BAG2: variants seen among roughly 807,000 people sequenced by gnomAD.
The protein encoded by BAG2 is BAG cochaperone 2.
A neutral mutation model predicts 16.4 loss-of-function variants in BAG2; 8 were observed. The observed-to-expected ratio is 0.49, with a 90% CI of 0.29 to 0.88. The LOEUF (loss-of-function observed/expected upper bound fraction) is 0.88, where lower values mean the gene tolerates loss of function less well. BAG2 is among the 40% of genes least tolerant of loss of function. BAG2 has a pLI of 0.09. For missense variants in BAG2, 218 were observed against 248.9 expected, an observed-to-expected ratio of 0.88 and a Z score of 0.84; for synonymous variants, 82 against 89.2, an observed-to-expected ratio of 0.92 and a Z score of 0.46.
intron 1 of BAG2, among the ~76,000 whole-genome samples, chr6:57,177,586 A>G (rs1040947072): frequency 6.6e-6 from 1 of 152,152 alleles, no homozygotes; most frequent in African/African-American, 2.4e-5. Flanking sequence ...GCCAGTGCCA[A>G]TTCTAGACAC....
intron 1 of BAG2, among the ~76,000 whole-genome samples, chr6:57,179,758 T>G (rs558934222): frequency 5.8e-4 from 88 of 152,180 alleles, no homozygotes; most frequent in African/African-American, 2.0e-3. Context: ...CAGCTTAGTT[T>G]TTTAGTGACT....
chr6:57,188,809 C>CCAT lies in BAG2; in HGVS notation c.*4621_*4623dup, dbSNP rs1366995146. 1 of 151,720 alleles carries CCAT rather than the reference C, an allele frequency of 6.6e-6. No homozygotes were observed. The highest frequency in any genetic ancestry group is 1.5e-5 in the Non-Finnish European group (1 of 67,908). 9.4% of individuals were successfully genotyped at this position (151,720 alleles called of 1,614,324 possible). ...TTACTTTTTAATTTTTTTTATTTTT[C>CCAT]CATCTAAAATGGCAAAGAGAACATT... On this transcript the variant is annotated 3_prime_UTR_variant, in exon 3 of 3. Transcript: ENST00000370693.
chr6:57,181,809 T>C (rs1764457593), intron 1 of BAG2, among the ~76,000 whole-genome samples: 1 of 152,118 alleles, frequency 6.6e-6, no homozygotes, highest in African/African-American at 2.4e-5. Context: ...AAACAAATAG[T>C]ATTAATTAGA....
intron 1 of BAG2, among the ~76,000 whole-genome samples, chr6:57,180,166 A>G (rs1331711271): frequency 6.6e-6 from 1 of 152,208 alleles, no homozygotes; most frequent in African/African-American, 2.4e-5. Context: ...ACAAATTCAC[A>G]ATAGCAGCAA....
chr6:57,172,854 G>T, intron 1 of BAG2, 44 bp downstream of exon 1: 2 of 1,408,644 alleles, frequency 1.4e-6, no homozygotes, highest in African/African-American at 1.5e-5. Context: ...CTCGCCGCGC[G>T]GGCGGTTCGC....
chr6:57,182,405 A>T (rs1050226427), intron 2 of BAG2, among the ~76,000 whole-genome samples: 2 of 152,032 alleles, frequency 1.3e-5, no homozygotes, highest in Admixed American at 1.3e-4. Context: ...GGCCCCAAGC[A>T]GTAAGGCCAT....
Position 57,172,781 on chromosome 6 carries a change from G to C in BAG2, c.84G>C (p.Leu28=). 6.4e-7 allele frequency: 1 copy of C among 1,571,510 alleles called. No individual in the cohort carries two copies. Among genetic ancestry groups the C allele is most frequent in the South Asian group, 1.2e-5 (1 of 85,226 alleles). Residue 28 remains leucine, a synonymous_variant, in exon 1 of 3, where the codon CTG becomes CTC. Coordinates refer to ENST00000370693, the MANE Select transcript of BAG2 (RefSeq NM_004282.4). The part of the protein sequence containing the change: ...SSSMADRSSR[L]LESLDQLELR... ...CCATGGCTGACCGCTCCAGCCGCCT[G>C]CTGGAGAGCCTGGACCAGCTGGAGC...
Position 57,172,660 on chromosome 6 carries a change from G to T in BAG2, c.-38G>T. On this transcript the variant is annotated 5_prime_UTR_variant, in exon 1 of 3. Coordinates refer to ENST00000370693, the MANE Select transcript of BAG2 (RefSeq NM_004282.4). ...CGCTCCACTCGCTGCCGCCGGAGGG[G>T]CCGGTGACCTCTTGGCTACCCCGCG... 6.9e-7 allele frequency: 1 copy of T among 1,448,408 alleles called. No individual in the cohort carries two copies. Among genetic ancestry groups the T allele is most frequent in the Non-Finnish European group, 9.2e-7 (1 of 1,086,758 alleles). The allele number at this position is 1,448,408 out of a possible 1,614,324, so 89.7% of individuals were successfully genotyped here.
Position 57,172,828 on chromosome 6 carries a change from G to A in BAG2, c.113+18G>A. 6.8e-7 allele frequency: 1 copy of A among 1,480,330 alleles called. No homozygotes were observed. Among genetic ancestry groups the A allele is most frequent in the Non-Finnish European group, 9.0e-7 (1 of 1,113,154 alleles). 91.7% of individuals were successfully genotyped at this position (1,480,330 alleles called of 1,614,324 possible). ...GAGCTCAGGTGAGCTCCGGGCGGGC[G>A]GTCTCGGGCGTTCTGCTCGCCGCGC... On this transcript the variant is annotated intron_variant, in intron 1 of 2. Coordinates refer to ENST00000370693, the MANE Select transcript of BAG2 (RefSeq NM_004282.4).
Position 57,184,108 on chromosome 6 carries a change from A to G in BAG2, c.554A>G (p.Asp185Gly). 1 of 1,605,016 alleles carries G rather than the reference A, an allele frequency of 6.2e-7. No homozygotes were observed. The highest frequency in any genetic ancestry group is 1.3e-5 in the African/African-American group (1 of 74,228). The change falls in exon 3 of 3, where the codon GAC becomes GGC. Residue 185 changes from aspartate to glycine, a missense_variant. Asp to Gly is a moderately conservative substitution (Grantham distance 94, BLOSUM62 -1). Around this residue, in one of 3 missense-constraint regions of BAG2, gnomAD observed 113 missense variants for 128.0 expected, o/e 0.88. Coordinates refer to ENST00000370693, the MANE Select transcript of BAG2 (RefSeq NM_004282.4). The part of the protein sequence containing the change: ...ETLLRNIENS[D>G]KAIKLLEHSK... ...CTGCTTAGAAATATTGAAAACTCTGACAAGGCCATCAAGCTATTAGAGCAT... is the reference window on the plus strand; with the variant it reads ...CTGCTTAGAAATATTGAAAACTCTGGCAAGGCCATCAAGCTATTAGAGCAT...
At position 57,188,767 on chromosome 6, in the gene BAG2, T is replaced by C. The variant is rs1183901688; in HGVS notation, c.*4577T>C. On this transcript the variant is annotated 3_prime_UTR_variant, in exon 3 of 3. Transcript: ENST00000370693. ...TAGATAATGCCAGATCATTTCAATATAATGAAAAGCAAAAATTTACTTTTT... is the reference window on the plus strand; with the variant it reads ...TAGATAATGCCAGATCATTTCAATACAATGAAAAGCAAAAATTTACTTTTT... 1 of 152,186 alleles carries C rather than the reference T, an allele frequency of 6.6e-6. No individual in the cohort carries two copies. The highest frequency in any genetic ancestry group is 1.9e-4 in the East Asian group (1 of 5,200). 9.4% of individuals were successfully genotyped at this position (152,186 alleles called of 1,614,324 possible).
In BAG2 at chr6:57,172,393, C is replaced by A. The variant is rs565825140; in HGVS notation, c.-305C>A. ...GCCCCTCCCGTGCCTCAGAGACTTG[C>A]GCTCCCCAGGCCCGAGCCCCTGTCG... On this transcript the variant is annotated 5_prime_UTR_variant, in exon 1 of 3. Coordinates refer to ENST00000370693, the MANE Select transcript of BAG2 (RefSeq NM_004282.4). The A allele has an allele frequency of 1.0e-5, 2 of 199,068 alleles. No homozygotes were observed. The highest frequency in any genetic ancestry group is 4.6e-5 in the African/African-American group (2 of 43,250). 12.3% of individuals were successfully genotyped at this position (199,068 alleles called of 1,614,324 possible). A position where few individuals can be genotyped will look rare whatever the true frequency, so the allele number is the denominator to read the frequency against.
intron 1 of BAG2, 24 bp from the exon 2 acceptor site, chr6:57,182,008 G>GT: frequency 6.2e-7 from 1 of 1,600,892 alleles, no homozygotes; most frequent in African/African-American, 1.3e-5. Flanking sequence ...TACAATAACC[G>GT]TTTTGTTTTC....
At position 57,185,631 on chromosome 6, in the gene BAG2, A is replaced by G. The variant is rs528910564; in HGVS notation, c.*1441A>G. The G allele has an allele frequency of 7.2e-4, 109 of 152,336 alleles. No homozygotes were observed. Among genetic ancestry groups the G allele is most frequent in the African/African-American group, 2.3e-3 (97 of 41,590 alleles). 9.4% of individuals were successfully genotyped at this position (152,336 alleles called of 1,614,324 possible). A position where few individuals can be genotyped will look rare whatever the true frequency, so the allele number is the denominator to read the frequency against. ...TGCCTTATTTAAATCTTTGCATTTC[A>G]TGGGAAACATTAATTCTATCTATGG... On this transcript the variant is annotated 3_prime_UTR_variant, in exon 3 of 3. Transcript: ENST00000370693.
chr6:57,182,160 G>C lies in BAG2; in HGVS notation c.223+19G>C. On this transcript the variant is annotated intron_variant, in intron 2 of 2. Coordinates refer to ENST00000370693, the MANE Select transcript of BAG2 (RefSeq NM_004282.4). Reference sequence around the variant, plus strand: ...AGTGACGGTGAGAGCCATCTCCACAGAAGGGGCTCATCTTTTACACTCCTT... The same window carrying C: ...AGTGACGGTGAGAGCCATCTCCACACAAGGGGCTCATCTTTTACACTCCTT... The C allele has an allele frequency of 1.2e-6, 2 of 1,604,458 alleles. No individual in the cohort carries two copies.
chr6:57,173,638 T>C (rs1413532753), intron 1 of BAG2: 2 of 578,000 alleles, frequency 3.5e-6, no homozygotes, highest in Non-Finnish European at 4.4e-6. Flanking sequence ...ACTTTAACGG[T>C]GTATTGAAAA....
intron 1 of BAG2, among the ~76,000 whole-genome samples, chr6:57,174,617 C>T (rs925379360): frequency 6.6e-5 from 10 of 151,966 alleles, no homozygotes; most frequent in African/African-American, 2.4e-4. Flanking sequence ...CTTTTGTAGG[C>T]CTTTTTTCTT....
Position 57,186,798 on chromosome 6 carries a change from T to TAATA in BAG2, c.*2609_*2612dup, listed in dbSNP as rs1180193683. ...TCAATTCTCTACCATTCCTAGCATA[T>TAATA]AATACATAATTTTAGGGTAGCCCTC... On this transcript the variant is annotated 3_prime_UTR_variant, in exon 3 of 3. Transcript: ENST00000370693. 6.6e-6 allele frequency: 1 copy of TAATA among 152,216 alleles called. No individual in the cohort carries two copies. The highest frequency in any genetic ancestry group is 2.4e-5 in the African/African-American group (1 of 41,464). 9.4% of individuals were successfully genotyped at this position (152,216 alleles called of 1,614,324 possible).
At position 57,188,793 on chromosome 6, in the gene BAG2, A is replaced by AATT. The variant is rs886061651; in HGVS notation, c.*4604_*4606dup. The AATT allele has an allele frequency of 5.3e-5, 8 of 152,320 alleles. No homozygotes were observed. The highest frequency in any genetic ancestry group is 1.0e-4 in the Non-Finnish European group (7 of 68,024). 9.4% of individuals were successfully genotyped at this position (152,320 alleles called of 1,614,324 possible). A position where few individuals can be genotyped will look rare whatever the true frequency, so the allele number is the denominator to read the frequency against. On this transcript the variant is annotated 3_prime_UTR_variant, in exon 3 of 3. Transcript: ENST00000370693. ...AATGAAAAGCAAAAATTTACTTTTTAATTTTTTTTATTTTTCCATCTAAAA... is the reference window on the plus strand; with the variant it reads ...AATGAAAAGCAAAAATTTACTTTTTAATTATTTTTTTTATTTTTCCATCTAAAA...
Sources: gnomAD v4.1 joint callset for allele counts (sites outside exome capture counted in the v4.1 genomes callset) on GRCh38, gnomAD v4.1.1 for gene constraint, gnomAD v4.1.1 regional missense constraint, MANE v1.5 for transcripts, NCBI Gene and HGNC (gene_info 2026-07-23, HGNC 2026-07-21) for gene names.